Variants in SCGB2B2 observed in about 807,000 individuals in gnomAD.
SCGB2B2 encodes secretoglobin family 2B member 2.
Under a neutral mutation model 7.6 loss-of-function variants are expected in SCGB2B2, and 11 were observed. The observed-to-expected ratio is 1.45, with a 90% CI of 0.91 to 2.40. The LOEUF (loss-of-function observed/expected upper bound fraction) is 2.40. Ranked by LOEUF, SCGB2B2 falls within the 30% of genes most tolerant of loss-of-function variation. SCGB2B2 has a pLI of 0.00. For missense variants in SCGB2B2, 104 were observed against 115.4 expected (o/e 0.90, Z 0.45); for synonymous variants, 50 against 48.6 (o/e 1.03, Z -0.12).
chr19:34,675,176 T>C (rs2067892305), intron 1 of SCGB2B2, among the ~76,000 whole-genome samples: 2 of 152,068 alleles, frequency 1.3e-5, no homozygotes, highest in Admixed American at 1.3e-4. Flanking sequence ...GCAGTAAGAG[T>C]TGGCAAGCAA....
intron 1 of SCGB2B2, among the ~76,000 whole-genome samples, chr19:34,662,402 A>G (rs1298257585): frequency 1.3e-5 from 2 of 152,158 alleles, no homozygotes; most frequent in Non-Finnish European, 2.9e-5. Flanking sequence ...ACAAATCTTT[A>G]TGTAGAAGAA....
At chr19:34,601,533 G>A (rs1043099940) in intron 1 of SCGB2B2, among the ~76,000 whole-genome samples, 16 of 152,004 alleles carry the variant, frequency 1.1e-4, no homozygotes, top group Admixed American at 1.0e-3. Flanking sequence ...ATGTATCTCT[G>A]TACCACTCAT....
At chr19:34,656,547 G>GAGCCATGACTGCACCACTGCACTT (rs1364842570) in intron 1 of SCGB2B2, among the ~76,000 whole-genome samples, 1 of 151,248 alleles carries the variant, frequency 6.6e-6, no homozygotes, top group Admixed American at 6.6e-5. Context: ...AGGCTGCAGT[G>GAGCCATGACTGCACCACTGCACTT]AGCCATGACT....
At position 34,594,243 on chromosome 19, in the gene SCGB2B2, A is replaced by C. The variant is rs773730756; in HGVS notation, c.178T>G (p.Phe60Val). The change falls in exon 3 of 4, where the codon TTC becomes GTC. Residue 60 changes from phenylalanine (F) to valine (V), a missense_variant. Phe to Val is a conservative substitution (Grantham distance 50, BLOSUM62 -1). Transcript: ENST00000601241. ...GCAAAGCATTGCTGGACATTGAGGA[A>C]GGACTCCTCTGTCAGGGGACTGGGG... Reference protein sequence around the residue: ...YNPSPLTEESFLNVQQCFANV... With the variant: ...YNPSPLTEESVLNVQQCFANV... 2 of 1,614,060 alleles carry C rather than the reference A, an allele frequency of 1.2e-6. No individual in the cohort carries two copies. Among genetic ancestry groups the C allele is most frequent in the Non-Finnish European group, 8.5e-7 (1 of 1,179,892 alleles).
At chr19:34,626,773 C>T (rs145992091) in intron 1 of SCGB2B2, among the ~76,000 whole-genome samples, 2,679 of 152,254 alleles carry the variant, frequency 0.018, 35 homozygotes, top group South Asian at 0.041. Context: ...CAAAGATACT[C>T]CTCGAGAAGA....
At position 34,645,541 on chromosome 19, in the gene SCGB2B2, GACAC is replaced by G. The variant is rs112676925; in HGVS notation, c.-2032+30085_-2032+30088del. The G allele has an allele frequency of 4.6e-3, 82 of 17,852 alleles. 1 individual carries two copies. The highest frequency in any genetic ancestry group is 0.022 in the Admixed American group (56 of 2,550). 1.1% of individuals were successfully genotyped at this position (17,852 alleles called of 1,614,324 possible). A position where few individuals can be genotyped will look rare whatever the true frequency, so the allele number is the denominator to read the frequency against. On this transcript the variant is annotated intron_variant, in intron 1 of 3. Transcript: ENST00000601241. ...ACACACACAGACACACACAGACACAGACACACACACACACACACACACACACACA... is the reference window on the plus strand; with the variant it reads ...ACACACACAGACACACACAGACACAGACACACACACACACACACACACACA...
intron 1 of SCGB2B2, among the ~76,000 whole-genome samples, chr19:34,672,893 ATAACT>A (rs1329172476): frequency 6.6e-6 from 1 of 152,110 alleles, no homozygotes; most frequent in African/African-American, 2.4e-5. Context: ...CTCCAGCCTC[ATAACT>A]TAACATTTCC....
chr19:34,641,101 T>G (rs1055352685), intron 1 of SCGB2B2, among the ~76,000 whole-genome samples: 1 of 151,964 alleles, frequency 6.6e-6, no homozygotes, highest in Non-Finnish European at 1.5e-5. Flanking sequence ...TTATGACCAA[T>G]TGGACTCAAA....
At chr19:34,663,995 G>T (rs1490437102) in intron 1 of SCGB2B2, among the ~76,000 whole-genome samples, 1 of 129,604 alleles carries the variant, frequency 7.7e-6, no homozygotes, top group Non-Finnish European at 1.7e-5. Context: ...TCCCCCATGG[G>T]ACACCTCTGC....
At chr19:34,609,450 T>G (rs2065872608) in intron 1 of SCGB2B2, among the ~76,000 whole-genome samples, 1 of 152,146 alleles carries the variant, frequency 6.6e-6, no homozygotes, top group African/African-American at 2.4e-5. Context: ...TTTCATAGTT[T>G]CTGCTCTAAG....
intron 1 of SCGB2B2, among the ~76,000 whole-genome samples, chr19:34,664,799 T>A (rs1222505796): frequency 6.6e-6 from 1 of 151,960 alleles, no homozygotes. Context: ...CGCTGACCCC[T>A]CTGCCACTCA....
At chr19:34,620,882 A>T (rs1244330857) in intron 1 of SCGB2B2, among the ~76,000 whole-genome samples, 2 of 152,166 alleles carry the variant, frequency 1.3e-5, no homozygotes, top group Admixed American at 1.3e-4. Flanking sequence ...TACTGGGAAA[A>T]CTTTCAAAAT....
chr19:34,603,605 T>A (rs1017259173), intron 1 of SCGB2B2, among the ~76,000 whole-genome samples: 1 of 152,136 alleles, frequency 6.6e-6, no homozygotes, highest in Non-Finnish European at 1.5e-5. Flanking sequence ...GAGAGCAATG[T>A]CATTGTTCCA....
chr19:34,635,264 G>T, intron 1 of SCGB2B2: 1 of 286,202 alleles, frequency 3.5e-6, no homozygotes, highest in Non-Finnish European at 7.2e-6. Flanking sequence ...CTGCACTCCA[G>T]TGTGGACTTT....
At chr19:34,609,593 T>C (rs1053406312) in intron 1 of SCGB2B2, among the ~76,000 whole-genome samples, 6 of 152,174 alleles carry the variant, frequency 3.9e-5, no homozygotes, top group Admixed American at 2.6e-4. Flanking sequence ...CCTCAGTAAA[T>C]GTTCTTGGCA....
rs1230931755 is a variant in SCGB2B2, at chr19:34,595,158, A to T, written c.-595T>A. 6.5e-6 allele frequency: 1 copy of T among 153,092 alleles called. No individual in the cohort carries two copies. The highest frequency in any genetic ancestry group is 6.5e-5 in the Admixed American group (1 of 15,414). The allele number at this position is 153,092 out of a possible 1,614,324, so 9.5% of individuals were successfully genotyped here. A position where few individuals can be genotyped will look rare whatever the true frequency, so the allele number is the denominator to read the frequency against. On this transcript the variant is annotated 5_prime_UTR_variant, in exon 2 of 4. Transcript: ENST00000601241. ...GGGACACATGTGACACAGTGAAGGG[A>T]TCCTACATGTTGGGGACCAGCCTCA...
intron 1 of SCGB2B2, among the ~76,000 whole-genome samples, chr19:34,657,105 T>C (rs2067303712): frequency 6.6e-6 from 1 of 151,394 alleles, no homozygotes; most frequent in Non-Finnish European, 1.5e-5. Flanking sequence ...AGAATAATTA[T>C]ACTTTTCTAT....
At chr19:34,590,242 G>T (rs751425091), downstream of SCGB2B2, among the ~76,000 whole-genome samples, 2 of 152,022 alleles carry the variant, frequency 1.3e-5, no homozygotes, top group African/African-American at 2.4e-5. Flanking sequence ...CACAGCCCAA[G>T]GACACAGGGC....
intron 1 of SCGB2B2, among the ~76,000 whole-genome samples, chr19:34,599,875 CAT>C (rs1417493413): frequency 1.3e-5 from 2 of 152,098 alleles, no homozygotes; most frequent in African/African-American, 4.8e-5. Context: ...TTTATTGTGA[CAT>C]AGAACACAAG....
Sources: gnomAD v4.1 joint callset for allele counts (sites outside exome capture counted in the v4.1 genomes callset) on GRCh38, gnomAD v4.1.1 for gene constraint, MANE v1.5 for transcripts, NCBI Gene and HGNC (gene_info 2026-07-23, HGNC 2026-07-21) for gene names.